ZMYND8: variants seen among roughly 807,000 people sequenced by gnomAD.
ZMYND8 encodes MYND-type zinc finger-containing chromatin reader ZMYND8.
Under a neutral mutation model 140.8 loss-of-function variants are expected in ZMYND8, and 37 were observed. The ratio of observed to expected loss-of-function variants is 0.26; its 90% CI spans 0.20 to 0.35. The LOEUF is 0.35. ZMYND8 is among the 10% of genes least tolerant of loss of function. The pLI, the probability that ZMYND8 is intolerant of heterozygous loss-of-function variation, is 1.00. For missense variants in ZMYND8, 1,068 were observed against 1,570.0 expected (o/e 0.68, Z 5.40); for synonymous variants, 592 against 597.1 (o/e 0.99, Z 0.12).
chr20:47,268,888 T>A (rs906354831), intron 11 of ZMYND8, among the ~76,000 whole-genome samples: 1 of 151,570 alleles, frequency 6.6e-6, no homozygotes, highest in African/African-American at 2.4e-5. Context: ...GCTAAAAGAG[T>A]GATTAACAAT....
chr20:47,210,091 A>G lies in ZMYND8; in HGVS notation c.*670T>C, dbSNP rs1363043494. ...TTTCCCTTTTAGGAGTAGAGTCATC[A>G]TTTCAATCACATGAAAGAAACTAGC... On this transcript the variant is annotated 3_prime_UTR_variant, in exon 23 of 23. Coordinates refer to ENST00000471951, the MANE Select transcript of ZMYND8 (RefSeq NM_001281775.3). 1 of 152,632 alleles carries G rather than the reference A, an allele frequency of 6.6e-6. No homozygotes were observed. The highest frequency in any genetic ancestry group is 1.5e-5 in the Non-Finnish European group (1 of 68,060). The allele number at this position is 152,632 out of a possible 1,614,324, so 9.5% of individuals were successfully genotyped here. A position where few individuals can be genotyped will look rare whatever the true frequency, so the allele number is the denominator to read the frequency against.
chr20:47,291,808 A>G lies in ZMYND8; in HGVS notation c.648T>C (p.Cys216=). 2 of 1,612,812 alleles carry G rather than the reference A, an allele frequency of 1.2e-6. No homozygotes were observed. The highest frequency in any genetic ancestry group is 1.7e-6 in the Non-Finnish European group (2 of 1,179,368). The stretch of plus-strand genomic sequence containing the variant: ...GACGGAGGCCAACCTTTTCCAATGT[A>G]CAAAGGTCCATTGGATGGAAGATGT... ...AEYIFHPMDL[C]TLEKNAKKKM... is the part of the protein sequence containing the mutation. The change falls in exon 6 of 23, where the codon TGT becomes TGC. Residue 216 remains cysteine, a synonymous_variant. Coordinates refer to ENST00000471951, the MANE Select transcript of ZMYND8 (RefSeq NM_001281775.3).
At chr20:47,262,224 A>T in intron 12 of ZMYND8, 64 bp downstream of exon 12, 1 of 1,609,936 alleles carries the variant, frequency 6.2e-7, no homozygotes, top group Non-Finnish European at 8.5e-7. Context: ...ACACAAGAGG[A>T]TACGTCATTT....
intron 19 of ZMYND8, among the ~76,000 whole-genome samples, chr20:47,222,516 A>G (rs2037129812): frequency 6.6e-6 from 1 of 152,206 alleles, no homozygotes; most frequent in African/African-American, 2.4e-5. Context: ...AGCCTGGGAG[A>G]AAGAGCGAGA....
intron 10 of ZMYND8, among the ~76,000 whole-genome samples, chr20:47,281,434 A>G (rs1277477508): frequency 6.6e-6 from 1 of 152,222 alleles, no homozygotes; most frequent in African/African-American, 2.4e-5. Flanking sequence ...TTACTTAATC[A>G]TAACTTGATA....
At chr20:47,333,164 C>G (rs1369471044) in intron 2 of ZMYND8, among the ~76,000 whole-genome samples, 1 of 151,894 alleles carries the variant, frequency 6.6e-6, no homozygotes, top group Non-Finnish European at 1.5e-5. Context: ...CTAGGCAACA[C>G]AGTGAGACCC....
At chr20:47,225,039 C>T (rs1449850247) in intron 18 of ZMYND8, among the ~76,000 whole-genome samples, 2 of 152,162 alleles carry the variant, frequency 1.3e-5, no homozygotes, top group Non-Finnish European at 2.9e-5. Context: ...TACTATTCTA[C>T]CCCTTTCGCA....
chr20:47,286,497 C>CATCT (rs970448510), intron 8 of ZMYND8, among the ~76,000 whole-genome samples: 2 of 152,002 alleles, frequency 1.3e-5, no homozygotes, highest in African/African-American at 4.8e-5. Context: ...ATCTATCTAT[C>CATCT]ATCTATCTAT....
At chr20:47,245,718 A>C (rs1018949319) in intron 14 of ZMYND8, among the ~76,000 whole-genome samples, 1 of 152,240 alleles carries the variant, frequency 6.6e-6, no homozygotes. Context: ...GGTCACTAAA[A>C]GTAACCATCA....
At chr20:47,245,211 G>GAAAGC (rs1292107190) in intron 14 of ZMYND8, among the ~76,000 whole-genome samples, 1 of 152,184 alleles carries the variant, frequency 6.6e-6, no homozygotes, top group African/African-American at 2.4e-5. Flanking sequence ...ATGAGGGGAG[G>GAAAGC]AAAGCAAAGC....
At chr20:47,229,657 A>G (rs1164953023) in intron 17 of ZMYND8, 69 bp downstream of exon 17, 4 of 1,478,484 alleles carry the variant, frequency 2.7e-6, no homozygotes, top group Admixed American at 3.7e-5. Context: ...AAGCTTCTTC[A>G]TGGTACCACC....
intron 14 of ZMYND8, among the ~76,000 whole-genome samples, chr20:47,242,547 T>C (rs2040096114): frequency 1.3e-5 from 2 of 152,202 alleles, no homozygotes; most frequent in South Asian, 4.1e-4. Context: ...TCCTGCCACA[T>C]TACCAAAAAA....
chr20:47,219,939 A>AG (rs2036695576), intron 21 of ZMYND8, among the ~76,000 whole-genome samples: 1 of 152,020 alleles, frequency 6.6e-6, no homozygotes, highest in South Asian at 2.1e-4. Context: ...TGAGAGAGAG[A>AG]GAAAAAAAAA....
chr20:47,232,913 T>G (rs1030955757), intron 16 of ZMYND8, among the ~76,000 whole-genome samples: 2 of 148,404 alleles, frequency 1.3e-5, no homozygotes, highest in East Asian at 1.9e-4. Context: ...TTTGTTTTTT[T>G]TTTTTTTTGA....
chr20:47,291,944 G>A lies in ZMYND8; in HGVS notation c.568-56C>T, dbSNP rs1413960245. 5.5e-6 allele frequency: 8 copies of A among 1,461,740 alleles called. No homozygotes were observed. The Admixed American group carries it at 1.4e-4, about 25-fold the overall frequency. The allele number at this position is 1,461,740 out of a possible 1,614,324, so 90.5% of individuals were successfully genotyped here. A position where few individuals can be genotyped will look rare whatever the true frequency, so the allele number is the denominator to read the frequency against. ...ACCCATCATTACTATGGAAAACCAA[G>A]CATTAATGCTAACAAAAGGCTTGAA... On this transcript the variant is annotated intron_variant, in intron 5 of 22. Transcript: ENST00000471951.
chr20:47,310,225 C>T, intron 2 of ZMYND8, 21 bp from the exon 3 acceptor site: 1 of 1,582,796 alleles, frequency 6.3e-7, no homozygotes, highest in South Asian at 1.2e-5. Context: ...TACAGGACCA[C>T]AGGTTTTAAA....
chr20:47,334,813 G>A (rs1326971324), intron 2 of ZMYND8, among the ~76,000 whole-genome samples: 1 of 151,872 alleles, frequency 6.6e-6, no homozygotes, highest in Non-Finnish European at 1.5e-5. Flanking sequence ...GTTTCACCAT[G>A]TTGGCCAGGC....
chr20:47,307,961 T>TA (rs900084078), intron 3 of ZMYND8, among the ~76,000 whole-genome samples: 1 of 150,182 alleles, frequency 6.7e-6, no homozygotes, highest in African/African-American at 2.5e-5. Flanking sequence ...CTACTAAAAA[T>TA]AAAAAAATTA....
chr20:47,302,208 G>C (rs1032534844), intron 3 of ZMYND8, among the ~76,000 whole-genome samples: 1 of 370 alleles, frequency 2.7e-3, no homozygotes, highest in African/African-American at 0.012. Flanking sequence ...CAGGCGTGGT[G>C]GCACGCCTGT....
Sources: allele counts gnomAD v4.1 joint callset (sites outside exome capture counted in the v4.1 genomes callset), GRCh38; gene constraint gnomAD v4.1.1; transcripts MANE v1.5; gene names NCBI Gene and HGNC (gene_info 2026-07-23, HGNC 2026-07-21).